Variants in SLC37A3 observed in about 807,000 individuals in gnomAD.
SLC37A3 encodes solute carrier family 37 member 3.
A neutral mutation model predicts 67.1 loss-of-function variants in SLC37A3; 51 were observed. That is an observed-to-expected ratio of 0.76 (90% confidence interval 0.61 to 0.96). SLC37A3 has a LOEUF of 0.96. Ranked by LOEUF, SLC37A3 falls within the 40% of genes least tolerant of loss-of-function variation. The pLI is 0.00. For synonymous variants in SLC37A3, 214 were observed against 231.4 expected (o/e 0.92, Z 0.68); for missense variants, 508 against 603.0 (o/e 0.84, Z 1.65).
chr7:140,379,172 T>C (rs1365343546), intron 3 of SLC37A3: 1 of 150,068 alleles, frequency 6.7e-6, no homozygotes, highest in East Asian at 2.0e-4. Flanking sequence ...ACAAAAAAAT[T>C]TAAATTAAAA....
intron 5 of SLC37A3, among the ~76,000 whole-genome samples, chr7:140,359,975 T>C (rs903323223): frequency 6.6e-6 from 1 of 152,174 alleles, no homozygotes; most frequent in African/African-American, 2.4e-5. Flanking sequence ...GAGCAACTCA[T>C]AAATAAATAA....
intron 12 of SLC37A3, 98 bp downstream of exon 12, chr7:140,345,118 G>A (rs1451519753): frequency 1.9e-6 from 2 of 1,080,272 alleles, no homozygotes; most frequent in Non-Finnish European, 1.4e-6. Context: ...TGTAATTAAG[G>A]TTTCGGTACT....
At chr7:140,351,037 T>A (rs1796772926) in intron 9 of SLC37A3, among the ~76,000 whole-genome samples, 1 of 152,200 alleles carries the variant, frequency 6.6e-6, no homozygotes, top group Non-Finnish European at 1.5e-5. Flanking sequence ...AGAGACTGGA[T>A]GGTTCCCCGA....
At chr7:140,341,940 C>T (rs1017010912) in intron 13 of SLC37A3, among the ~76,000 whole-genome samples, 11 of 152,266 alleles carry the variant, frequency 7.2e-5, no homozygotes, top group Admixed American at 5.9e-4. Context: ...ATCAGGTAAG[C>T]GTATTTTTCA....
chr7:140,350,775 T>C (rs1796761232), intron 9 of SLC37A3, among the ~76,000 whole-genome samples: 1 of 151,546 alleles, frequency 6.6e-6, no homozygotes, highest in African/African-American at 2.4e-5. Context: ...AAATCATAAA[T>C]AAATAAATAA....
At chr7:140,380,865 T>C (rs1798222505) in intron 2 of SLC37A3, among the ~76,000 whole-genome samples, 1 of 151,368 alleles carries the variant, frequency 6.6e-6, no homozygotes, top group Non-Finnish European at 1.5e-5. Flanking sequence ...ATTATAAGCA[T>C]GACACTGAAC....
At chr7:140,389,747 C>T (rs745609081) in intron 1 of SLC37A3, among the ~76,000 whole-genome samples, 1 of 152,172 alleles carries the variant, frequency 6.6e-6, no homozygotes, top group Non-Finnish European at 1.5e-5. Context: ...ACGCTGCCTT[C>T]TACAACGCTG....
chr7:140,393,334 G>A (rs1798794739), intron 1 of SLC37A3, among the ~76,000 whole-genome samples: 1 of 152,176 alleles, frequency 6.6e-6, no homozygotes, highest in South Asian at 2.1e-4. Context: ...AGCTGAACAC[G>A]TGCGCCGTCC....
At chr7:140,377,819 C>T (rs1467488431) in intron 3 of SLC37A3, among the ~76,000 whole-genome samples, 6 of 151,946 alleles carry the variant, frequency 3.9e-5, no homozygotes, top group Admixed American at 3.9e-4. Flanking sequence ...TCGTTTGAGC[C>T]CAAGAGTTCA....
chr7:140,362,386 C>T (rs1797355961), intron 5 of SLC37A3, among the ~76,000 whole-genome samples: 1 of 142,300 alleles, frequency 7.0e-6, no homozygotes, highest in Non-Finnish European at 1.5e-5. Flanking sequence ...AGGAGCGTCT[C>T]CGCCCGGCAG....
rs939066703 is a variant in SLC37A3 at position 140,342,638 on chromosome 7, A to G, written c.1326+774T>C. On this transcript the variant is annotated intron_variant, in intron 13 of 14. Transcript: ENST00000326232. ...AAGAGGCATGACTCATGACTCTGCC[A>G]GAAAAGAAATATCTGTCCCAGAGAA... 5.9e-5 allele frequency among the ~76,000 whole-genome samples: 9 copies of G among 151,960 alleles called. No homozygotes were observed. In the East Asian group the frequency reaches 1.7e-3, roughly 29 times the overall value.
intron 1 of SLC37A3, among the ~76,000 whole-genome samples, chr7:140,388,718 G>A (rs1798607056): frequency 6.6e-6 from 1 of 151,956 alleles, no homozygotes; most frequent in African/African-American, 2.4e-5. Context: ...GGCTGAGGCA[G>A]GAGAATCGCT....
chr7:140,371,325 C>T (rs1207077943), intron 3 of SLC37A3, among the ~76,000 whole-genome samples: 1 of 152,068 alleles, frequency 6.6e-6, no homozygotes, highest in Non-Finnish European at 1.5e-5. Context: ...AGGCACGTGC[C>T]ACCACGCCCA....
At chr7:140,388,726 G>A (rs1334138706) in intron 1 of SLC37A3, among the ~76,000 whole-genome samples, 1 of 151,766 alleles carries the variant, frequency 6.6e-6, no homozygotes, top group Non-Finnish European at 1.5e-5. Flanking sequence ...CAGGAGAATC[G>A]CTTGAACCTG....
chr7:140,385,502 G>A (rs889138572), intron 1 of SLC37A3, among the ~76,000 whole-genome samples: 3 of 152,142 alleles, frequency 2.0e-5, no homozygotes, highest in African/African-American at 7.2e-5. Context: ...ACTGTAGTAT[G>A]TACTCCAGGA....
chr7:140,382,036 A>G (rs1478922523), intron 2 of SLC37A3, among the ~76,000 whole-genome samples: 2 of 149,966 alleles, frequency 1.3e-5, no homozygotes, highest in South Asian at 2.1e-4. Flanking sequence ...AAAAAGTGAG[A>G]TATGTTTTTT....
chr7:140,349,745 A>C (rs1436153417), intron 9 of SLC37A3, among the ~76,000 whole-genome samples: 1 of 152,188 alleles, frequency 6.6e-6, no homozygotes, highest in Admixed American at 6.5e-5. Flanking sequence ...AGTTAACTAG[A>C]TTTCCTTTAC....
chr7:140,366,482 A>T (rs202065027), intron 4 of SLC37A3, among the ~76,000 whole-genome samples: 1 of 62,406 alleles, frequency 1.6e-5, no homozygotes, highest in East Asian at 5.9e-4. Context: ...AGCTCAAGAT[A>T]AAAAAAAAAC....
intron 5 of SLC37A3, among the ~76,000 whole-genome samples, chr7:140,363,020 G>A (rs1193432974): frequency 6.5e-5 from 6 of 92,512 alleles, no homozygotes; most frequent in Admixed American, 4.7e-4. Flanking sequence ...CCCCTAATGG[G>A]AAGTGAGGAC....
Sources: allele counts gnomAD v4.1 joint callset (sites outside exome capture counted in the v4.1 genomes callset), GRCh38; gene constraint gnomAD v4.1.1; transcripts MANE v1.5; gene names NCBI Gene and HGNC (gene_info 2026-07-23, HGNC 2026-07-21).